ASTN1: variants seen among roughly 807,000 people sequenced by gnomAD.
The protein encoded by ASTN1 is astrotactin-1.
ASTN1 carries 41 observed loss-of-function variants against 140.7 expected under a neutral mutation model. The ratio of observed to expected loss-of-function variants is 0.29; its 90% CI spans 0.23 to 0.38. The LOEUF is 0.38. ASTN1 is among the 10% of genes least tolerant of loss of function. The pLI, the probability that ASTN1 is intolerant of heterozygous loss-of-function variation, is 1.00. For missense variants in ASTN1, 1,479 were observed against 1,678.8 expected (o/e 0.88, Z 2.08); for synonymous variants, 640 against 652.2 (o/e 0.98, Z 0.29).
At chr1:176,960,303 T>C (rs1474545688) in intron 9 of ASTN1, among the ~76,000 whole-genome samples, 1 of 152,216 alleles carries the variant, frequency 6.6e-6, no homozygotes. Flanking sequence ...TGTCTACAAG[T>C]AGTTTGAATG....
At chr1:177,122,354 C>T (rs1681440110) in intron 1 of ASTN1, among the ~76,000 whole-genome samples, 1 of 152,156 alleles carries the variant, frequency 6.6e-6, no homozygotes, top group South Asian at 2.1e-4. Flanking sequence ...GTAGAACTGT[C>T]TTTACTTCCT....
At chr1:176,947,814 A>G (rs1672019451) in intron 12 of ASTN1, among the ~76,000 whole-genome samples, 1 of 152,192 alleles carries the variant, frequency 6.6e-6, no homozygotes, top group Admixed American at 6.5e-5. Flanking sequence ...GGGAAAGATC[A>G]GGTCGGGTAT....
intron 1 of ASTN1, among the ~76,000 whole-genome samples, chr1:177,134,403 C>T (rs1682081947): frequency 1.3e-5 from 2 of 152,156 alleles, no homozygotes; most frequent in Non-Finnish European, 2.9e-5. Context: ...TGGAGTCCTG[C>T]CTAATGGACT....
intron 8 of ASTN1, among the ~76,000 whole-genome samples, chr1:176,984,930 TGAG>T (rs1673813400): frequency 6.6e-6 from 1 of 152,194 alleles, no homozygotes; most frequent in African/African-American, 2.4e-5. Flanking sequence ...CCTTGAACTC[TGAG>T]TGATCAGACC....
intron 5 of ASTN1, 61 bp downstream of exon 5, chr1:177,029,573 T>C (rs1676312964): frequency 2.1e-5 from 32 of 1,539,520 alleles, no homozygotes; most frequent in Non-Finnish European, 2.8e-5. Flanking sequence ...CCTCTTCGCC[T>C]TCCCCCGCCT....
chr1:176,949,527 T>C (rs774390722), intron 11 of ASTN1, among the ~76,000 whole-genome samples, 176 bp from the exon 12 acceptor site: 2 of 152,208 alleles, frequency 1.3e-5, no homozygotes, highest in Admixed American at 6.5e-5. Flanking sequence ...AAGTGACCTT[T>C]TTTGACGTCT....
chr1:176,942,447 A>G (rs1244081582), intron 14 of ASTN1, among the ~76,000 whole-genome samples: 4 of 152,160 alleles, frequency 2.6e-5, no homozygotes, highest in African/African-American at 7.2e-5. Flanking sequence ...CATTTTTAAC[A>G]TAACTTGATG....
intron 16 of ASTN1, among the ~76,000 whole-genome samples, chr1:176,901,646 G>A (rs1367217387): frequency 6.6e-6 from 1 of 152,182 alleles, no homozygotes; most frequent in East Asian, 1.9e-4. Context: ...GTCATGTGAT[G>A]GAGCATGAAA....
downstream of ASTN1, chr1:176,857,770 T>G (rs1257567468): frequency 2.4e-6 from 1 of 413,094 alleles, no homozygotes; most frequent in Non-Finnish European, 4.3e-6. Context: ...CAGTGGCTGA[T>G]TAGGAGTATG....
intron 7 of ASTN1, among the ~76,000 whole-genome samples, chr1:177,017,234 C>CAATAAATAAATAAATAAATA (rs1675594163): frequency 1.3e-5 from 2 of 152,172 alleles, no homozygotes; most frequent in Non-Finnish European, 2.9e-5. Context: ...TGCCGACAAC[C>CAATAAATAAATAAATAAATA]AATAAAGCTT....
intron 20 of ASTN1, among the ~76,000 whole-genome samples, chr1:176,880,411 C>T (rs1027287340): frequency 6.6e-6 from 1 of 152,116 alleles, no homozygotes; most frequent in Non-Finnish European, 1.5e-5. Context: ...TGCTGTCACA[C>T]GTCCGGAAAG....
intron 1 of ASTN1, among the ~76,000 whole-genome samples, chr1:177,155,532 C>G (rs997866780): frequency 6.6e-6 from 1 of 152,226 alleles, no homozygotes; most frequent in South Asian, 2.1e-4. Flanking sequence ...AGAAATTGTA[C>G]AGAAAAACTG....
At chr1:176,891,223 T>C (rs1407726032) in intron 17 of ASTN1, among the ~76,000 whole-genome samples, 2 of 152,220 alleles carry the variant, frequency 1.3e-5, no homozygotes, top group Non-Finnish European at 2.9e-5. Context: ...TCCACATTTG[T>C]TATCAGATTT....
At chr1:177,131,499 T>G (rs1179444126) in intron 1 of ASTN1, among the ~76,000 whole-genome samples, 2 of 151,958 alleles carry the variant, frequency 1.3e-5, no homozygotes, top group South Asian at 4.1e-4. Context: ...AGTAAACCCA[T>G]CTGCTGCCTT....
At chr1:177,062,544 C>CTTTT (rs1262248770) in intron 1 of ASTN1, among the ~76,000 whole-genome samples, 1 of 128,730 alleles carries the variant, frequency 7.8e-6, no homozygotes, top group Non-Finnish European at 1.7e-5. Context: ...ATGGCCTGGC[C>CTTTT]TTTTTTTTTT....
chr1:176,994,119 C>T (rs756473015), intron 8 of ASTN1, among the ~76,000 whole-genome samples: 9 of 150,714 alleles, frequency 6.0e-5, no homozygotes, highest in Non-Finnish European at 4.4e-5. Context: ...CCGCCACCCA[C>T]CAATGAGAAC....
chr1:176,870,982 C>T (rs1236846084), intron 21 of ASTN1, among the ~76,000 whole-genome samples: 1 of 152,222 alleles, frequency 6.6e-6, no homozygotes, highest in Non-Finnish European at 1.5e-5. Context: ...CCCAAGGTCA[C>T]ACTGCCAGGG....
intron 18 of ASTN1, among the ~76,000 whole-genome samples, chr1:176,885,073 G>C (rs763217837): frequency 3.3e-5 from 5 of 152,158 alleles, no homozygotes; most frequent in Non-Finnish European, 7.4e-5. Flanking sequence ...GGTTCAGTTT[G>C]GAAGTAATAT....
chr1:176,994,025 G>GTGTGTGTGTA (rs1553240157), intron 8 of ASTN1, among the ~76,000 whole-genome samples: 112 of 150,516 alleles, frequency 7.4e-4, no homozygotes, highest in Middle Eastern at 3.5e-3. Context: ...GTACGTGTGT[G>GTGTGTGTGTA]TGTGTGTGTG....
Sources: gnomAD v4.1 joint callset for allele counts (sites outside exome capture counted in the v4.1 genomes callset) on GRCh38, gnomAD v4.1.1 for gene constraint, MANE v1.5 for transcripts, NCBI Gene and HGNC (gene_info 2026-07-23, HGNC 2026-07-21) for gene names.